The following GRAMD2B variants were observed in gnomAD, a reference collection of about 807,000 sequenced individuals.
GRAMD2B encodes the protein GRAM domain-containing protein 2B.
In GRAMD2B, 41 loss-of-function variants were observed where a neutral mutation model predicts 59.2. That is an observed-to-expected ratio of 0.69 (90% CI 0.54 to 0.90). The LOEUF is 0.90. Ranked by LOEUF, GRAMD2B falls within the 40% of genes least tolerant of loss-of-function variation. The pLI is 0.00. For synonymous variants in GRAMD2B, 161 were observed against 182.7 expected (o/e 0.88, Z 0.96); for missense variants, 424 against 500.5 (o/e 0.85, Z 1.46).
intron 5 of GRAMD2B, among the ~76,000 whole-genome samples, chr5:126,476,804 A>G (rs943825064): frequency 1.3e-5 from 2 of 152,186 alleles, no homozygotes; most frequent in Non-Finnish European, 2.9e-5. Flanking sequence ...TATGTCACCC[A>G]TCCTGATTTC....
At chr5:126,401,495 A>C (rs1008544800) in intron 1 of GRAMD2B, among the ~76,000 whole-genome samples, 1 of 151,920 alleles carries the variant, frequency 6.6e-6, no homozygotes, top group African/African-American at 2.4e-5. Flanking sequence ...TGGTGGAATC[A>C]TGTTTCCTTG....
chr5:126,474,408 C>T (rs1179819865), intron 5 of GRAMD2B, among the ~76,000 whole-genome samples: 2 of 152,158 alleles, frequency 1.3e-5, no homozygotes, highest in African/African-American at 2.4e-5. Context: ...TTAGGTAAAA[C>T]ATATTCTTTT....
intron 3 of GRAMD2B, among the ~76,000 whole-genome samples, chr5:126,471,023 A>C (rs889772624): frequency 3.9e-5 from 6 of 152,230 alleles, no homozygotes; most frequent in African/African-American, 1.4e-4. Flanking sequence ...TAGAACACCT[A>C]GCTTTAATCA....
At chr5:126,404,189 C>T (rs1758064962) in intron 1 of GRAMD2B, among the ~76,000 whole-genome samples, 1 of 151,880 alleles carries the variant, frequency 6.6e-6, no homozygotes, top group Non-Finnish European at 1.5e-5. Context: ...ACAGTCTCAA[C>T]ACAACCCAAG....
chr5:126,410,483 C>G (rs1758684691), intron 1 of GRAMD2B, among the ~76,000 whole-genome samples: 1 of 151,672 alleles, frequency 6.6e-6, no homozygotes, highest in Non-Finnish European at 1.5e-5. Context: ...TGATTTGGCT[C>G]TCTGTTTGTC....
chr5:126,373,356 G>A (rs1754922909), intron 1 of GRAMD2B, among the ~76,000 whole-genome samples: 1 of 152,196 alleles, frequency 6.6e-6, no homozygotes, highest in Non-Finnish European at 1.5e-5. Context: ...AATAAGTATT[G>A]AGAATTTATG....
chr5:126,450,039 C>T (rs1464728526), intron 1 of GRAMD2B, among the ~76,000 whole-genome samples: 2 of 152,206 alleles, frequency 1.3e-5, no homozygotes, highest in Middle Eastern at 3.4e-3. Flanking sequence ...CTTTTAAGCT[C>T]TCTCTGGCTT....
intron 1 of GRAMD2B, among the ~76,000 whole-genome samples, chr5:126,415,153 G>C (rs535674508): frequency 1.3e-5 from 2 of 152,282 alleles, no homozygotes; most frequent in Non-Finnish European, 2.9e-5. Context: ...AAGTTGTTCA[G>C]ATGCATGGGG....
At chr5:126,436,099 A>G (rs1561518790) in intron 1 of GRAMD2B, among the ~76,000 whole-genome samples, 2 of 152,210 alleles carry the variant, frequency 1.3e-5, no homozygotes, top group East Asian at 3.8e-4. Flanking sequence ...ATAATCAAAG[A>G]TTGTACTTAA....
chr5:126,366,262 A>G (rs1243548505), intron 1 of GRAMD2B, among the ~76,000 whole-genome samples: 1 of 152,224 alleles, frequency 6.6e-6, no homozygotes, highest in East Asian at 1.9e-4. Flanking sequence ...GGAATATTCC[A>G]AGCTGCTTGG....
intron 1 of GRAMD2B, among the ~76,000 whole-genome samples, chr5:126,430,366 T>A (rs1168246174): frequency 2.6e-5 from 4 of 152,232 alleles, no homozygotes; most frequent in African/African-American, 9.6e-5. Context: ...ACAACTTTAT[T>A]GAGTTTTTAC....
intron 1 of GRAMD2B, among the ~76,000 whole-genome samples, chr5:126,424,545 A>C (rs1004410827): frequency 7.9e-5 from 12 of 152,204 alleles, no homozygotes; most frequent in African/African-American, 2.9e-4. Flanking sequence ...AACCCGGTCT[A>C]ACTTCTGTTT....
intron 1 of GRAMD2B, among the ~76,000 whole-genome samples, chr5:126,393,934 T>C (rs546389825): frequency 6.6e-6 from 1 of 152,234 alleles, no homozygotes; most frequent in South Asian, 2.1e-4. Context: ...GAAGGGACCA[T>C]ATGAGAGTAT....
chr5:126,392,826 G>C (rs146292262), intron 1 of GRAMD2B, among the ~76,000 whole-genome samples: 1 of 152,088 alleles, frequency 6.6e-6, no homozygotes, highest in Non-Finnish European at 1.5e-5. Context: ...TAGATCTCTC[G>C]CATGTGCAGT....
chr5:126,477,654 AAGTCTGAACTG>A, intron 5 of GRAMD2B, 27 bp from the exon 6 acceptor site: 1 of 1,083,388 alleles, frequency 9.2e-7, no homozygotes, highest in Non-Finnish European at 1.4e-6. Context: ...CTGTTCTGTC[AAGTCTGAACTG>A]GCATTAACTT....
At chr5:126,368,138 T>TATC (rs10633084), upstream of GRAMD2B, among the ~76,000 whole-genome samples, 97,546 of 151,828 alleles carry the variant, frequency 0.64, 31,701 homozygotes, top group Admixed American at 0.69. Context: ...TTTTATTTAT[T>TATC]ATATATTATT....
chr5:126,361,650 G>A (rs552916804), intron 1 of GRAMD2B, among the ~76,000 whole-genome samples: 10 of 152,182 alleles, frequency 6.6e-5, no homozygotes, highest in African/African-American at 2.4e-4. Context: ...ACTGAAACAC[G>A]GTATCTCAGA....
intron 1 of GRAMD2B, among the ~76,000 whole-genome samples, chr5:126,390,692 A>C (rs1282124850): frequency 6.6e-6 from 1 of 152,202 alleles, no homozygotes; most frequent in African/African-American, 2.4e-5. Context: ...TCTGCTAGTC[A>C]ATTCTTGAGT....
intron 1 of GRAMD2B, among the ~76,000 whole-genome samples, chr5:126,404,700 G>C (rs1758119247): frequency 1.3e-5 from 2 of 151,778 alleles, no homozygotes; most frequent in East Asian, 3.9e-4. Flanking sequence ...ATACGCCTTT[G>C]TTCCATGTCT....
Sources: gnomAD v4.1 joint callset for allele counts (sites outside exome capture counted in the v4.1 genomes callset) on GRCh38, gnomAD v4.1.1 for gene constraint, MANE v1.5 for transcripts, NCBI Gene and HGNC (gene_info 2026-07-23, HGNC 2026-07-21) for gene names.